AP3B2: variants seen among roughly 807,000 people sequenced by gnomAD.
AP3B2 encodes adaptor related protein complex 3 subunit beta 2.
A neutral mutation model predicts 126.9 loss-of-function variants in AP3B2; 50 were observed. The ratio of observed to expected loss-of-function variants is 0.39; its 90% CI spans 0.31 to 0.50. The LOEUF (loss-of-function observed/expected upper bound fraction) is 0.50. Ranked by LOEUF, AP3B2 falls within the 20% of genes least tolerant of loss-of-function variation. The pLI is 0.79. For missense variants in AP3B2, 1,177 were observed against 1,426.4 expected, an observed-to-expected ratio of 0.83 and a Z score of 2.82; for synonymous variants, 541 against 565.0, an observed-to-expected ratio of 0.96 and a Z score of 0.60.
At chr15:82,704,993 T>A (rs950999020) in intron 1 of AP3B2, among the ~76,000 whole-genome samples, 13 of 152,186 alleles carry the variant, frequency 8.5e-5, no homozygotes, top group Non-Finnish European at 1.9e-4. Flanking sequence ...TATCCCCACC[T>A]GCGCAGTTCC....
intron 4 of AP3B2, chr15:82,685,538 G>A (rs1258054100): frequency 2.0e-5 from 3 of 152,130 alleles, no homozygotes; most frequent in Non-Finnish European, 4.4e-5. Context: ...TAAACAGATG[G>A]GTTAGAAACA....
intron 1 of AP3B2, chr15:82,692,142 C>G: frequency 6.7e-7 from 1 of 1,493,756 alleles, no homozygotes; most frequent in Non-Finnish European, 9.2e-7. Flanking sequence ...CACACGAAGC[C>G]GACACTGGCC....
At position 82,665,064 on chromosome 15, in the gene AP3B2, G is replaced by A. The variant is rs2048028041; in HGVS notation, c.2029-121C>T. The A allele has an allele frequency of 1.9e-6, 2 of 1,038,374 alleles. No individual in the cohort carries two copies. Among genetic ancestry groups the A allele is most frequent in the Admixed American group, 2.1e-5 (1 of 48,266 alleles). The allele number at this position is 1,038,374 out of a possible 1,614,324, so 64.3% of individuals were successfully genotyped here. A position where few individuals can be genotyped will look rare whatever the true frequency, so the allele number is the denominator to read the frequency against. Reference sequence around the variant, plus strand: ...GCCCTACCTGGTCTGTCCCACAAAGGGAATAACAGAGGAGGAAGAAAGGGG... The same window carrying A: ...GCCCTACCTGGTCTGTCCCACAAAGAGAATAACAGAGGAGGAAGAAAGGGG... On this transcript the variant is annotated intron_variant, in intron 17 of 26. Transcript: ENST00000535359. The surrounding 1 kb of genome is among the most constrained non-coding windows in gnomAD (Gnocchi z 4.4).
chr15:82,678,290 C>A, intron 10 of AP3B2, 123 bp from the exon 11 acceptor site: 1 of 945,500 alleles, frequency 1.1e-6, no homozygotes, highest in South Asian at 1.4e-5. Flanking sequence ...ATCATCCTCA[C>A]ACTGATGAGG....
At chr15:82,699,813 T>C in intron 1 of AP3B2, 2 of 399,298 alleles carry the variant, frequency 5.0e-6, no homozygotes, top group Non-Finnish European at 8.8e-6. Context: ...CTTGATCAGC[T>C]CCGCAGGCCC....
At position 82,665,560 on chromosome 15, in the gene AP3B2, T is replaced by G; in HGVS notation, c.1868A>C (p.Gln623Pro). ...AAGCAGGTGGGACAGTGAGCCCAGCTGGAAGTGGTCCCGGTCTAGGGATAG... is the reference window on the plus strand; with the variant it reads ...AAGCAGGTGGGACAGTGAGCCCAGCGGGAAGTGGTCCCGGTCTAGGGATAG... Reference protein sequence around the residue: ...ESSFKDRDHFQLGSLSHLLNA... With the variant: ...ESSFKDRDHFPLGSLSHLLNA... Residue 623 changes from glutamine to proline, a missense_variant, in exon 16 of 27, where the codon CAG (glutamine) becomes CCG (proline). Coordinates refer to ENST00000535359, the MANE Select transcript of AP3B2 (RefSeq NM_001278512.2). This position sits in a 1 kb window ranked among gnomAD's most constrained non-coding sequence, Gnocchi z 4.4. 6.2e-7 allele frequency: 1 copy of G among 1,613,782 alleles called. No individual in the cohort carries two copies. The highest frequency in any genetic ancestry group is 8.5e-7 in the Non-Finnish European group (1 of 1,179,768).
intron 10 of AP3B2, 106 bp downstream of exon 10, chr15:82,679,623 C>G: frequency 9.2e-7 from 1 of 1,085,022 alleles, no homozygotes; most frequent in Non-Finnish European, 1.4e-6. Flanking sequence ...CTCCTGGGCT[C>G]AGCCCCAGGA....
At chr15:82,663,663 C>T (rs747550551) in intron 20 of AP3B2, 43 bp from the exon 21 acceptor site, 3 of 1,612,840 alleles carry the variant, frequency 1.9e-6, no homozygotes, top group African/African-American at 1.3e-5. Flanking sequence ...AAGGGGAGCA[C>T]CTTGGCATGT....
rs1231422218 is a variant in AP3B2 at position 82,679,788 on chromosome 15, G to T, written c.1123C>A (p.Pro375Thr). Residue 375 changes from proline (P) to threonine (T), a missense_variant, in exon 10 of 27, where the codon CCC becomes ACC. Coordinates refer to ENST00000535359, the MANE Select transcript of AP3B2 (RefSeq NM_001278512.2). ...CTGATGTAGAAGCTCTTCAGGTAGG[G>T]CTCAAACATACCCTGGCACAAGAGA... ...MSIKRRGMFE[P>T]YLKSFYIRST... 6.2e-7 allele frequency: 1 copy of T among 1,613,712 alleles called. No individual in the cohort carries two copies. The highest frequency in any genetic ancestry group is 8.5e-7 in the Non-Finnish European group (1 of 1,179,800).
chr15:82,690,275 T>C (rs529946499), intron 1 of AP3B2, among the ~76,000 whole-genome samples: 18 of 152,290 alleles, frequency 1.2e-4, no homozygotes, highest in African/African-American at 3.6e-4. Context: ...AATTATACTT[T>C]TAAGTTCTAG....
Position 82,665,667 on chromosome 15 carries a change from T to A in AP3B2, c.1853-92A>T, listed in dbSNP as rs7494860. ...GGTGGGGCTGGGTGGTGATTCTGGTTGGGACTTCCCAGGTGGGTAGGGGAA... is the reference window on the plus strand; with the variant it reads ...GGTGGGGCTGGGTGGTGATTCTGGTAGGGACTTCCCAGGTGGGTAGGGGAA... On this transcript the variant is annotated intron_variant, in intron 15 of 26. Transcript: ENST00000535359. The surrounding 1 kb of genome is among the most constrained non-coding windows in gnomAD (Gnocchi z 4.4). The A allele has an allele frequency of 4.9e-6, 5 of 1,021,792 alleles. No homozygotes were observed. Among genetic ancestry groups the A allele is most frequent in the South Asian group, 1.4e-5 (1 of 70,974 alleles). The allele number at this position is 1,021,792 out of a possible 1,614,324, so 63.3% of individuals were successfully genotyped here.
chr15:82,683,878 CT>C (rs1186225980), intron 4 of AP3B2, among the ~76,000 whole-genome samples: 2 of 152,228 alleles, frequency 1.3e-5, no homozygotes, highest in Non-Finnish European at 2.9e-5. Context: ...TCCATCAGAG[CT>C]CTTGAGTGAA....
chr15:82,663,359 T>G, intron 21 of AP3B2, 126 bp from the exon 22 acceptor site: 1 of 985,632 alleles, frequency 1.0e-6, no homozygotes, highest in Non-Finnish European at 1.6e-6. Context: ...GCCTGGAGGC[T>G]CTCGCAAAAT....
At chr15:82,661,653 C>T (rs1262028802) in intron 25 of AP3B2, among the ~76,000 whole-genome samples, 172 bp downstream of exon 25, 1 of 152,182 alleles carries the variant, frequency 6.6e-6, no homozygotes, top group Non-Finnish European at 1.5e-5. Context: ...GTAACTGCAA[C>T]AGAGACCACA....
At chr15:82,678,023 A>T in intron 11 of AP3B2, 82 bp downstream of exon 11, 1 of 1,511,794 alleles carries the variant, frequency 6.6e-7, no homozygotes, top group Non-Finnish European at 9.1e-7. Flanking sequence ...CCTTGGGCTC[A>T]TAAGAGGAGG....
In AP3B2 at chr15:82,664,264, G is replaced by A. The variant is rs2048011360; in HGVS notation, c.2261+103C>T. 3.8e-6 allele frequency: 6 copies of A among 1,567,646 alleles called. No individual in the cohort carries two copies. In the Admixed American group the frequency reaches 5.1e-5, roughly 13 times the overall value. ...GCTGACAGCCCCACCCAGCTCACGA[G>A]GGGCTCAGGGGCTCTTAGGAGACTG... On this transcript the variant is annotated intron_variant, in intron 19 of 26. Transcript: ENST00000535359. The surrounding 1 kb of genome is among the most constrained non-coding windows in gnomAD (Gnocchi z 4.5).
At chr15:82,682,790 T>TA (rs1292482205) in intron 4 of AP3B2, among the ~76,000 whole-genome samples, 11 of 151,962 alleles carry the variant, frequency 7.2e-5, no homozygotes, top group African/African-American at 2.2e-4. Context: ...ATTATGTCTT[T>TA]AAAAAAACAA....
chr15:82,696,586 T>G (rs1321618990), intron 1 of AP3B2, among the ~76,000 whole-genome samples: 1 of 151,798 alleles, frequency 6.6e-6, no homozygotes, highest in East Asian at 1.9e-4. Flanking sequence ...TCAAAAAAAT[T>G]TAAAAAAGGA....
At chr15:82,705,702 A>G (rs2151463436) in intron 1 of AP3B2, among the ~76,000 whole-genome samples, 1 of 152,272 alleles carries the variant, frequency 6.6e-6, no homozygotes, top group East Asian at 1.9e-4. Context: ...AGTTCTCATG[A>G]AAACACACGT....
Sources: allele counts gnomAD v4.1 joint callset (sites outside exome capture counted in the v4.1 genomes callset), GRCh38; gene constraint gnomAD v4.1.1; non-coding constraint Gnocchi (gnomAD v3.1); transcripts MANE v1.5; gene names NCBI Gene and HGNC (gene_info 2026-07-23, HGNC 2026-07-21).